GPC5: variants seen among roughly 807,000 people sequenced by gnomAD.
GPC5 encodes glypican 5, also known as glypican-5.
GPC5 carries 47 observed loss-of-function variants against 53.9 expected under a neutral mutation model. The observed-to-expected ratio is 0.87, with a 90% CI of 0.69 to 1.11. The LOEUF (loss-of-function observed/expected upper bound fraction) is 1.11, where lower values mean the gene tolerates loss of function less well. Ranked by LOEUF, GPC5 falls within the 50% of genes most tolerant of loss-of-function variation. GPC5 has a pLI of 0.00. For missense variants in GPC5, 748 were observed against 713.1 expected, an observed-to-expected ratio of 1.05 and a Z score of -0.56; for synonymous variants, 286 against 263.3, an observed-to-expected ratio of 1.09 and a Z score of -0.84.
intron 7 of GPC5, among the ~76,000 whole-genome samples, chr13:92,557,148 C>G (rs574480242): frequency 6.6e-6 from 1 of 151,246 alleles, no homozygotes; most frequent in Admixed American, 6.6e-5. Context: ...TAGCGCTATT[C>G]TAGCCCCTTT....
rs557351654 is a variant in GPC5, at chr13:92,095,434, G to A, written c.1402-49396G>A. Among the ~76,000 whole-genome samples the A allele has an allele frequency of 8.1e-4, 123 of 151,644 alleles. 1 individual carries two copies. Among genetic ancestry groups the A allele is most frequent in the African/African-American group, 2.9e-3 (120 of 41,300 alleles). On this transcript the variant is annotated intron_variant, in intron 6 of 7. Transcript: ENST00000377067. ...ACGATCTTGGCTCACTGCAACCTCCGCCTCGTGGGTTCAAGCAATTCTCCT... is the reference window on the plus strand; with the variant it reads ...ACGATCTTGGCTCACTGCAACCTCCACCTCGTGGGTTCAAGCAATTCTCCT...
At chr13:91,668,312 G>C (rs2035165156) in intron 2 of GPC5, among the ~76,000 whole-genome samples, 1 of 152,152 alleles carries the variant, frequency 6.6e-6, no homozygotes, top group South Asian at 2.1e-4. Flanking sequence ...GCACATGCGT[G>C]TTTCTGTTTC....
At chr13:91,670,449 T>A (rs1368524344) in intron 2 of GPC5, among the ~76,000 whole-genome samples, 1 of 152,064 alleles carries the variant, frequency 6.6e-6, no homozygotes, top group East Asian at 1.9e-4. Flanking sequence ...ATTCTTAATG[T>A]TAGTGTGGGA....
intron 7 of GPC5, among the ~76,000 whole-genome samples, chr13:92,525,781 T>G (rs449674): frequency 2.6e-5 from 4 of 151,780 alleles, no homozygotes; most frequent in Non-Finnish European, 5.9e-5. Flanking sequence ...GGTGATATTA[T>G]CCATGAGAGC....
At chr13:92,745,965 A>C (rs1889232540) in intron 7 of GPC5, among the ~76,000 whole-genome samples, 1 of 152,162 alleles carries the variant, frequency 6.6e-6, no homozygotes, top group Non-Finnish European at 1.5e-5. Context: ...CAAGCATTAA[A>C]GGTTTCTAAA....
chr13:92,664,354 AT>A (rs34073544), intron 7 of GPC5, among the ~76,000 whole-genome samples: 33,024 of 144,010 alleles, frequency 0.23, 3,969 homozygotes, highest in Admixed American at 0.33. Flanking sequence ...AATCCAATAG[AT>A]TTTTTTTTTT....
intron 7 of GPC5, among the ~76,000 whole-genome samples, chr13:92,573,938 C>T (rs1211939604): frequency 6.6e-6 from 1 of 152,150 alleles, no homozygotes; most frequent in African/African-American, 2.4e-5. Flanking sequence ...TCTGGGCAAA[C>T]CGACGAAGTT....
At chr13:92,208,149 C>A (rs1411817942) in intron 7 of GPC5, among the ~76,000 whole-genome samples, 1 of 152,212 alleles carries the variant, frequency 6.6e-6, no homozygotes, top group Non-Finnish European at 1.5e-5. Flanking sequence ...AGGTGGCCAC[C>A]TCAAGCCAGT....
intron 2 of GPC5, among the ~76,000 whole-genome samples, chr13:91,689,807 T>C (rs2035717359): frequency 6.6e-6 from 1 of 152,070 alleles, no homozygotes. Flanking sequence ...TAACAATGCC[T>C]TCCTCTGGAA....
At chr13:92,563,026 T>C (rs1882746003) in intron 7 of GPC5, among the ~76,000 whole-genome samples, 1 of 152,062 alleles carries the variant, frequency 6.6e-6, no homozygotes, top group Non-Finnish European at 1.5e-5. Flanking sequence ...AAAAGATCTC[T>C]AAATACCAAA....
chr13:92,600,212 G>A (rs1420401950), intron 7 of GPC5, among the ~76,000 whole-genome samples: 8 of 152,050 alleles, frequency 5.3e-5, no homozygotes, highest in Non-Finnish European at 8.8e-5. Context: ...CAGTACAACC[G>A]TAGCATGTAG....
chr13:91,622,747 A>G lies in GPC5; in HGVS notation c.326-70440A>G, dbSNP rs28545255. On this transcript the variant is annotated intron_variant, in intron 2 of 7. Coordinates refer to ENST00000377067, the MANE Select transcript of GPC5 (RefSeq NM_004466.6). ...TGGATCACCTGTGCATGGGTGGTTG[A>G]GGCATGTTTGAAGAAGGTTGAAAGA... Among the ~76,000 whole-genome samples, 5 of 152,244 alleles carry G rather than the reference A, an allele frequency of 3.3e-5. No homozygotes were observed. The East Asian group carries it at 9.7e-4, about 29-fold the overall frequency.
intron 7 of GPC5, among the ~76,000 whole-genome samples, chr13:92,525,990 C>A (rs1881267258): frequency 6.6e-6 from 1 of 152,140 alleles, no homozygotes; most frequent in Non-Finnish European, 1.5e-5. Context: ...TAATCTCCAA[C>A]TTCTCACTGT....
At chr13:92,537,912 T>C (rs756250525) in intron 7 of GPC5, among the ~76,000 whole-genome samples, 1 of 152,152 alleles carries the variant, frequency 6.6e-6, no homozygotes, top group Non-Finnish European at 1.5e-5. Flanking sequence ...TTAATGTGTC[T>C]CCTATTGTGG....
chr13:92,169,583 A>G (rs550459500), intron 7 of GPC5, among the ~76,000 whole-genome samples: 15 of 152,334 alleles, frequency 9.8e-5, no homozygotes, highest in African/African-American at 3.4e-4. Context: ...TTTACATATA[A>G]AATAAACTTT....
intron 7 of GPC5, chr13:92,339,738 A>G (rs929983743): frequency 2.0e-5 from 3 of 152,256 alleles, no homozygotes; most frequent in South Asian, 4.1e-4. Flanking sequence ...CAATAAATCT[A>G]TGTTTCTGCA....
chr13:91,422,894 C>T (rs1236079972), intron 1 of GPC5, among the ~76,000 whole-genome samples: 2 of 152,202 alleles, frequency 1.3e-5, no homozygotes, highest in Non-Finnish European at 1.5e-5. Context: ...TGAGAGCTCT[C>T]ATGACCTAGT....
At chr13:91,469,813 G>A (rs758613284) in intron 2 of GPC5, among the ~76,000 whole-genome samples, 2 of 152,146 alleles carry the variant, frequency 1.3e-5, no homozygotes, top group Non-Finnish European at 2.9e-5. Context: ...GCCGAGGTGG[G>A]TGGATCACGT....
chr13:92,640,099 A>G (rs983617004), intron 7 of GPC5, among the ~76,000 whole-genome samples: 2 of 151,964 alleles, frequency 1.3e-5, no homozygotes, highest in African/African-American at 4.8e-5. Flanking sequence ...ACAGATATAT[A>G]TGTATGCACA....
Sources: gnomAD v4.1 joint callset for allele counts (sites outside exome capture counted in the v4.1 genomes callset) on GRCh38, gnomAD v4.1.1 for gene constraint, MANE v1.5 for transcripts, NCBI Gene and HGNC (gene_info 2026-07-23, HGNC 2026-07-21) for gene names.